Variants in CSMD1 observed in about 807,000 individuals in gnomAD.
CSMD1 encodes CUB and sushi domain-containing protein 1.
CSMD1 carries 213 observed loss-of-function variants against 417.5 expected under a neutral mutation model. The observed-to-expected ratio is 0.51, with a 90% CI of 0.46 to 0.57. The LOEUF is 0.57. CSMD1 is among the 20% of genes least tolerant of loss of function. The probability of loss-of-function intolerance (pLI) is 0.00; values close to 1 mark genes in which losing one functional copy is unlikely to be tolerated. For synonymous variants in CSMD1, 2,862 were observed against 1,736.8 expected (o/e 1.65, Z -16.11); for missense variants, 6,923 against 4,529.7 (o/e 1.53, Z -15.17).
At chr8:3,155,012 A>G (rs1819430900) in intron 39 of CSMD1, among the ~76,000 whole-genome samples, 1 of 152,226 alleles carries the variant, frequency 6.6e-6, no homozygotes, top group African/African-American at 2.4e-5. Context: ...AAAAACTTGT[A>G]TACCCTGTAA....
At chr8:3,588,936 C>A (rs1019891934) in intron 8 of CSMD1, among the ~76,000 whole-genome samples, 1 of 151,936 alleles carries the variant, frequency 6.6e-6, no homozygotes, top group African/African-American at 2.4e-5. Flanking sequence ...ATAGACATTT[C>A]TTTAAAGAAG....
At chr8:3,485,895 T>A (rs1026184104) in intron 11 of CSMD1, among the ~76,000 whole-genome samples, 10 of 152,028 alleles carry the variant, frequency 6.6e-5, no homozygotes, top group African/African-American at 2.2e-4. Flanking sequence ...GTTGTGACAT[T>A]TTACTGTAGA....
chr8:4,181,367 A>T (rs542652045), intron 3 of CSMD1, among the ~76,000 whole-genome samples: 191 of 150,400 alleles, frequency 1.3e-3, no homozygotes, highest in East Asian at 0.012. Context: ...TTATTTATTT[A>T]TTTTTTTTTT....
At position 4,825,537 on chromosome 8, in the gene CSMD1, T is replaced by C. The variant is rs1446328476; in HGVS notation, c.85+168795A>G. On this transcript the variant is annotated intron_variant, in intron 1 of 69. Coordinates refer to ENST00000635120, the MANE Select transcript of CSMD1 (RefSeq NM_033225.6). ...TGGCCCCTGGTAAACACAATTCTAC[T>C]CTCTGCTTATATGTGTGTGGCTGTC... is the stretch of plus-strand genomic sequence containing the variant. Among the ~76,000 whole-genome samples, 3 of 151,906 alleles carry C rather than the reference T, an allele frequency of 2.0e-5. No individual in the cohort carries two copies. In the East Asian group the frequency reaches 5.8e-4, roughly 29 times the overall value.
chr8:4,264,150 C>G (rs966728179), intron 3 of CSMD1, among the ~76,000 whole-genome samples: 3 of 152,178 alleles, frequency 2.0e-5, no homozygotes, highest in East Asian at 1.9e-4. Context: ...ACCTACTACT[C>G]AGCTCTTGGG....
chr8:4,118,743 T>C (rs2130934655), intron 3 of CSMD1, among the ~76,000 whole-genome samples: 1 of 152,302 alleles, frequency 6.6e-6, no homozygotes, highest in South Asian at 2.1e-4. Flanking sequence ...CATTACTGGG[T>C]ATATGCCCAA....
At chr8:3,298,967 A>G (rs1804177317) in intron 25 of CSMD1, among the ~76,000 whole-genome samples, 1 of 152,224 alleles carries the variant, frequency 6.6e-6, no homozygotes, top group Non-Finnish European at 1.5e-5. Context: ...TGAGAAGCTT[A>G]CACAGAAAAA....
chr8:4,844,165 G>A (rs1315785089), intron 1 of CSMD1, among the ~76,000 whole-genome samples: 1 of 152,058 alleles, frequency 6.6e-6, no homozygotes. Context: ...TATGAGTCAA[G>A]TTCTACTACA....
At chr8:4,932,296 G>C (rs1186376597) in intron 1 of CSMD1, among the ~76,000 whole-genome samples, 1 of 150,826 alleles carries the variant, frequency 6.6e-6, no homozygotes, top group Non-Finnish European at 1.5e-5. Flanking sequence ...GTCTTAAAAA[G>C]TAACATTTGG....
At chr8:3,285,436 G>C (rs1803074200) in intron 25 of CSMD1, among the ~76,000 whole-genome samples, 1 of 151,446 alleles carries the variant, frequency 6.6e-6, no homozygotes. Flanking sequence ...TCCTAGGCTG[G>C]AGTGCAGTGT....
intron 12 of CSMD1, among the ~76,000 whole-genome samples, chr8:3,423,535 C>T (rs187817803): frequency 6.6e-6 from 1 of 152,230 alleles, no homozygotes; most frequent in Non-Finnish European, 1.5e-5. Flanking sequence ...CTCAATGGTC[C>T]TCCACTGTGT....
chr8:3,382,433 TA>T, intron 18 of CSMD1, among the ~76,000 whole-genome samples: 1 of 143,562 alleles, frequency 7.0e-6, no homozygotes, highest in African/African-American at 2.5e-5. Context: ...ATATATTATA[TA>T]ATAACATATA....
chr8:3,889,730 C>G (rs1419504634), intron 5 of CSMD1, among the ~76,000 whole-genome samples: 4 of 151,678 alleles, frequency 2.6e-5, no homozygotes, highest in South Asian at 2.1e-4. Context: ...TTTTGTGAAA[C>G]AGACTTATTA....
intron 8 of CSMD1, among the ~76,000 whole-genome samples, chr8:3,611,817 C>A (rs1395323715): frequency 6.6e-6 from 1 of 151,932 alleles, no homozygotes; most frequent in Admixed American, 6.6e-5. Flanking sequence ...GTATGAGGTA[C>A]AAAATCATGC....
intron 2 of CSMD1, among the ~76,000 whole-genome samples, chr8:4,630,317 T>G (rs1055081137): frequency 4.6e-5 from 7 of 150,984 alleles, no homozygotes; most frequent in African/African-American, 1.7e-4. Flanking sequence ...CTCACAGTTG[T>G]TGTCAACTAA....
At chr8:3,600,308 T>C (rs941406375) in intron 8 of CSMD1, among the ~76,000 whole-genome samples, 3 of 152,224 alleles carry the variant, frequency 2.0e-5, no homozygotes, top group Non-Finnish European at 4.4e-5. Context: ...AAAGGGCATT[T>C]AATGCTGTTG....
chr8:4,931,684 T>C (rs1057318416), intron 1 of CSMD1, among the ~76,000 whole-genome samples: 3 of 152,220 alleles, frequency 2.0e-5, no homozygotes, highest in Non-Finnish European at 4.4e-5. Flanking sequence ...TAAGATTATG[T>C]AAAGCAAAAC....
chr8:3,271,913 G>C (rs867770611), intron 26 of CSMD1, among the ~76,000 whole-genome samples: 23 of 152,188 alleles, frequency 1.5e-4, no homozygotes, highest in African/African-American at 5.5e-4. Context: ...TTCTTTTGCT[G>C]TGCAGAAGCT....
chr8:4,166,167 T>C (rs560211658), intron 3 of CSMD1, among the ~76,000 whole-genome samples: 35 of 152,322 alleles, frequency 2.3e-4, no homozygotes, highest in African/African-American at 8.4e-4. Context: ...AAATTTGTAG[T>C]AGTCTACTTG....
Sources: gnomAD v4.1 joint callset for allele counts (sites outside exome capture counted in the v4.1 genomes callset) on GRCh38, gnomAD v4.1.1 for gene constraint, MANE v1.5 for transcripts, NCBI Gene and HGNC (gene_info 2026-07-23, HGNC 2026-07-21) for gene names.